MACROH2A2: variants seen among roughly 807,000 people sequenced by gnomAD.
MACROH2A2 encodes the protein macroH2A.2 histone, also known as core histone macro-H2A.2.
A neutral mutation model predicts 37.6 loss-of-function variants in MACROH2A2; 6 were observed. The ratio of observed to expected loss-of-function variants is 0.16; its 90% CI spans 0.09 to 0.32. MACROH2A2 has a LOEUF of 0.32. MACROH2A2 is among the 10% of genes least tolerant of loss of function. The pLI is 1.00. For missense variants in MACROH2A2, 290 were observed against 485.9 expected (o/e 0.60, Z 3.79); for synonymous variants, 192 against 202.7 (o/e 0.95, Z 0.45).
chr10:70,086,180 A>G lies in MACROH2A2; in HGVS notation c.173-3880A>G, dbSNP rs147376179. ...CCTGGCTAATGATTAATGTTATTAC[A>G]AATATTTAAATGGTGAAGTCCATGT... On this transcript the variant is annotated intron_variant, in intron 2 of 8. Transcript: ENST00000373255. Among the ~76,000 whole-genome samples, 646 of 152,126 alleles carry G rather than the reference A, an allele frequency of 4.2e-3. 21 individuals carry two copies. The highest frequency in any genetic ancestry group is 0.037 in the Admixed American group (558 of 15,276).
At chr10:70,081,828 T>G (rs2072178379) in intron 2 of MACROH2A2, among the ~76,000 whole-genome samples, 1 of 152,158 alleles carries the variant, frequency 6.6e-6, no homozygotes, top group Non-Finnish European at 1.5e-5. Context: ...TGTACATTTT[T>G]AAATAGCTAA....
chr10:70,109,441 GAT>G (rs952154542), intron 8 of MACROH2A2, among the ~76,000 whole-genome samples: 3 of 152,196 alleles, frequency 2.0e-5, no homozygotes, highest in African/African-American at 7.2e-5. Context: ...GTGCCTCCTT[GAT>G]GTTAAAGCCC....
In MACROH2A2 at chr10:70,091,913, G is replaced by A. The variant is rs1317498358; in HGVS notation, c.436G>A (p.Gly146Arg). ...GRKATSGKKG[G>R]KKSKAAKPRT... ...GAAGGCCACGTCAGGCAAGAAGGGG[G>A]GGAAGAAATCCAAGGCTGCCAAACC... Residue 146 changes from glycine to arginine, a missense_variant, in exon 4 of 9, where the codon GGG becomes AGG. Gly to Arg is a moderately radical substitution (Grantham distance 125). Coordinates refer to ENST00000373255, the MANE Select transcript of MACROH2A2 (RefSeq NM_018649.3). The A allele has an allele frequency of 6.2e-7, 1 of 1,613,846 alleles. No individual in the cohort carries two copies. The highest frequency in any genetic ancestry group is 8.5e-7 in the Non-Finnish European group (1 of 1,180,022).
At chr10:70,100,705 C>T (rs2136640523) in intron 7 of MACROH2A2, among the ~76,000 whole-genome samples, 1 of 151,290 alleles carries the variant, frequency 6.6e-6, no homozygotes, top group East Asian at 2.0e-4. Flanking sequence ...CAACCTCTGC[C>T]TCCCAAGTTC....
chr10:70,103,329 A>G (rs2072317438), intron 7 of MACROH2A2, among the ~76,000 whole-genome samples: 1 of 152,182 alleles, frequency 6.6e-6, no homozygotes. Context: ...GAGAGGAAAA[A>G]TAGCTGCTCT....
At chr10:70,092,057 T>C (rs2072248671) in intron 4 of MACROH2A2, 103 bp downstream of exon 4, 1 of 903,476 alleles carries the variant, frequency 1.1e-6, no homozygotes, top group Admixed American at 2.4e-5. Context: ...CCCAGAGGCA[T>C]AGGATTACAA....
chr10:70,101,132 G>T (rs1313279526), intron 7 of MACROH2A2, among the ~76,000 whole-genome samples: 1 of 152,186 alleles, frequency 6.6e-6, no homozygotes, highest in Non-Finnish European at 1.5e-5. Context: ...GGTCCAGGGG[G>T]CTGTCACTAA....
intron 1 of MACROH2A2, among the ~76,000 whole-genome samples, chr10:70,057,862 A>C (rs544328800): frequency 6.6e-6 from 1 of 152,200 alleles, no homozygotes; most frequent in Non-Finnish European, 1.5e-5. Context: ...CAGCAGCCCT[A>C]TAAGTAGGTA....
intron 7 of MACROH2A2, among the ~76,000 whole-genome samples, chr10:70,106,902 G>C (rs2072341343): frequency 6.6e-6 from 1 of 151,864 alleles, no homozygotes; most frequent in African/African-American, 2.4e-5. Context: ...AGCCATGACT[G>C]TAACAAGCCA....
At chr10:70,067,838 C>T (rs756625425) in intron 1 of MACROH2A2, among the ~76,000 whole-genome samples, 4 of 151,868 alleles carry the variant, frequency 2.6e-5, no homozygotes, top group Non-Finnish European at 4.4e-5. Flanking sequence ...GTTTCCAAGG[C>T]GATCAGTGGA....
chr10:70,076,796 G>A (rs1303129387), intron 2 of MACROH2A2, among the ~76,000 whole-genome samples: 1 of 152,080 alleles, frequency 6.6e-6, no homozygotes, highest in East Asian at 1.9e-4. Flanking sequence ...GGCTGTGGCA[G>A]GGCTGGTCCT....
At chr10:70,080,082 C>T (rs1038237125) in intron 2 of MACROH2A2, among the ~76,000 whole-genome samples, 3 of 151,988 alleles carry the variant, frequency 2.0e-5, no homozygotes, top group Non-Finnish European at 4.4e-5. Flanking sequence ...GAGTTCGAGA[C>T]CAGCCTGACC....
intron 1 of MACROH2A2, among the ~76,000 whole-genome samples, chr10:70,064,669 T>C (rs2072069024): frequency 6.6e-6 from 1 of 152,162 alleles, no homozygotes; most frequent in Non-Finnish European, 1.5e-5. Context: ...ATCTGATGGG[T>C]TTATCAGGGG....
At chr10:70,105,232 GTT>G (rs1210526813) in intron 7 of MACROH2A2, among the ~76,000 whole-genome samples, 1 of 152,240 alleles carries the variant, frequency 6.6e-6, no homozygotes, top group African/African-American at 2.4e-5. Flanking sequence ...GGCAGAACCA[GTT>G]CACGTTAAGC....
rs1251752268 is a variant in MACROH2A2 at position 70,093,769 on chromosome 10, C to T, written c.512C>T (p.Ser171Leu). The T allele has an allele frequency of 2.2e-5, 35 of 1,611,944 alleles. No individual in the cohort carries two copies. Among genetic ancestry groups the T allele is most frequent in the Non-Finnish European group, 2.9e-5 (34 of 1,177,956 alleles). The stretch of plus-strand genomic sequence containing the variant: ...AAGGACAGCGATAAAGAAGGAACTT[C>T]AAATTCCACCTCTGAAGATGGGCCA... ...KPKDSDKEGT[S>L]NSTSEDGPGD... The change falls in exon 5 of 9, where the codon TCA (serine) becomes TTA (leucine). Residue 171 changes from serine (S) to leucine (L), a missense_variant. Physicochemically the swap from Ser to Leu is moderately radical, Grantham distance 145. Around this residue, in one of 3 missense-constraint regions of MACROH2A2, gnomAD observed 77 missense variants for 68.9 expected, o/e 1.12. Transcript: ENST00000373255.
intron 1 of MACROH2A2, among the ~76,000 whole-genome samples, chr10:70,059,974 C>T (rs2072041693): frequency 1.3e-5 from 2 of 152,252 alleles, no homozygotes; most frequent in Non-Finnish European, 2.9e-5. Flanking sequence ...GGGACCCACA[C>T]GTGCATAACC....
rs375928040 is a variant in MACROH2A2, at chr10:70,104,552, G to A, written c.778+4255G>A. 9.8e-5 allele frequency among the ~76,000 whole-genome samples: 15 copies of A among 152,288 alleles called. No individual in the cohort carries two copies. In the East Asian group the frequency reaches 2.7e-3, roughly 27 times the overall value. The stretch of plus-strand genomic sequence containing the variant: ...TAGCTGGGCGTGGTGGTGGGTGCCT[G>A]TAATCCCAGCTACTTGGGAGGCTGA... On this transcript the variant is annotated intron_variant, in intron 7 of 8. Coordinates refer to ENST00000373255, the MANE Select transcript of MACROH2A2 (RefSeq NM_018649.3).
chr10:70,109,268 C>T, intron 8 of MACROH2A2, 61 bp downstream of exon 8: 7 of 1,405,030 alleles, frequency 5.0e-6, no homozygotes, highest in Admixed American at 3.4e-5. Flanking sequence ...CAGCTGCTCC[C>T]CCACTTACAT....
chr10:70,103,878 G>A (rs1370751398), intron 7 of MACROH2A2, among the ~76,000 whole-genome samples: 3 of 152,152 alleles, frequency 2.0e-5, no homozygotes, highest in South Asian at 2.1e-4. Flanking sequence ...ATTTTGCTAC[G>A]TTGTCATTCA....
Sources: allele counts gnomAD v4.1 joint callset (sites outside exome capture counted in the v4.1 genomes callset), GRCh38; gene constraint gnomAD v4.1.1; regional missense constraint gnomAD v4.1.1; transcripts MANE v1.5; gene names NCBI Gene and HGNC (gene_info 2026-07-23, HGNC 2026-07-21).